Variants in DCAF6 observed in about 807,000 individuals in gnomAD.
The protein encoded by DCAF6 is DDB1 and CUL4 associated factor 6, also known as DDB1- and CUL4-associated factor 6.
In DCAF6, 54 loss-of-function variants were observed where a neutral mutation model predicts 125.1. That is an observed-to-expected ratio of 0.43 (90% CI 0.35 to 0.54). The LOEUF is 0.54. Ranked by LOEUF, DCAF6 falls within the 20% of genes least tolerant of loss-of-function variation. The pLI is 0.01. For missense variants in DCAF6, 934 were observed against 1,161.7 expected, an observed-to-expected ratio of 0.80 and a Z score of 2.85; for synonymous variants, 371 against 390.4, an observed-to-expected ratio of 0.95 and a Z score of 0.58.
At chr1:168,068,571 G>C (rs1238824518) in intron 21 of DCAF6, 108 bp downstream of exon 21, 2 of 512,190 alleles carry the variant, frequency 3.9e-6, no homozygotes, top group African/African-American at 2.0e-5. Context: ...ATCACAAAAT[G>C]AGGGTAGCTT....
chr1:168,020,503 T>A (rs913440067), intron 11 of DCAF6, among the ~76,000 whole-genome samples: 5 of 152,162 alleles, frequency 3.3e-5, no homozygotes, highest in Admixed American at 6.5e-5. Flanking sequence ...TGAGTGAGCT[T>A]TTGCTTAAAG....
At chr1:167,866,530 CA>C in the DCAF6 span, among the ~76,000 whole-genome samples, 1,144 of 110,654 alleles carry the variant, frequency 0.01, 6 homozygotes, top group Admixed American at 0.016. Flanking sequence ...CTCTATGTGC[CA>C]AAAAAAAAAA....
intron 21 of DCAF6, among the ~76,000 whole-genome samples, chr1:168,073,186 GAAGAAA>G (rs1693355196): frequency 6.6e-6 from 1 of 151,820 alleles, no homozygotes; most frequent in Non-Finnish European, 1.5e-5. Flanking sequence ...AAAAAAAAAA[GAAGAAA>G]AAGAAAAACA....
chr1:168,019,225 T>A (rs559777042), intron 11 of DCAF6, among the ~76,000 whole-genome samples: 37 of 152,250 alleles, frequency 2.4e-4, no homozygotes, highest in Admixed American at 9.2e-4. Flanking sequence ...ATTTTTTGTA[T>A]TTTTGGTAGA....
chr1:167,946,079 C>T (rs1258415762), intron 1 of DCAF6, among the ~76,000 whole-genome samples: 1 of 151,212 alleles, frequency 6.6e-6, no homozygotes, highest in Non-Finnish European at 1.5e-5. Context: ...GCCTCAGCCT[C>T]CCGAGTAGCT....
At chr1:168,074,456 T>A (rs1047915388) in intron 21 of DCAF6, among the ~76,000 whole-genome samples, 1 of 152,184 alleles carries the variant, frequency 6.6e-6, no homozygotes, top group Non-Finnish European at 1.5e-5. Flanking sequence ...TAATGTATCT[T>A]ACCTTCATAA....
chr1:167,966,757 G>A (rs1557902569), intron 3 of DCAF6, 36 bp downstream of exon 3: 3 of 1,292,726 alleles, frequency 2.3e-6, no homozygotes, highest in Admixed American at 2.0e-5. Flanking sequence ...TTTAATGAGA[G>A]AAAAAAAATC....
chr1:167,989,662 C>T (rs1159548591), intron 5 of DCAF6, among the ~76,000 whole-genome samples: 4 of 152,176 alleles, frequency 2.6e-5, no homozygotes, highest in Non-Finnish European at 5.9e-5. Context: ...GCGGGCAGAT[C>T]ACCTGAGGTT....
the DCAF6 span, among the ~76,000 whole-genome samples, chr1:167,877,464 C>A: frequency 7.2e-5 from 11 of 151,852 alleles, no homozygotes; most frequent in Non-Finnish European, 1.5e-5. Context: ...CTCTTGAAGA[C>A]CTCGATTCCA....
chr1:168,049,736 A>G (rs1480653754), intron 16 of DCAF6, among the ~76,000 whole-genome samples: 4 of 143,056 alleles, frequency 2.8e-5, no homozygotes, highest in Non-Finnish European at 6.0e-5. Flanking sequence ...GCTCACTGCA[A>G]GCTCTGCCTC....
chr1:167,973,702 A>C (rs1677695713), intron 3 of DCAF6, among the ~76,000 whole-genome samples: 1 of 151,964 alleles, frequency 6.6e-6, no homozygotes, highest in African/African-American at 2.4e-5. Context: ...TGGTGTTTTG[A>C]CATTTCTCTT....
At chr1:167,959,944 A>T (rs897960977) in intron 2 of DCAF6, among the ~76,000 whole-genome samples, 4 of 152,094 alleles carry the variant, frequency 2.6e-5, no homozygotes, top group African/African-American at 7.2e-5. Flanking sequence ...ACCCAAGGTC[A>T]TCTGAGTTTT....
Position 167,965,926 on chromosome 1 carries a change from C to T in DCAF6, c.160-703C>T, listed in dbSNP as rs370824617. The stretch of plus-strand genomic sequence containing the variant: ...CTGGGATTATAGACGTGAGCCACCG[C>T]GCCCGGCCTTCCCTGGAGTTTTTAA... On this transcript the variant is annotated intron_variant, in intron 2 of 21. Coordinates refer to ENST00000367840, the MANE Select transcript of DCAF6 (RefSeq NM_001198956.2). Among the ~76,000 whole-genome samples the T allele has an allele frequency of 7.8e-4, 118 of 152,182 alleles. 1 individual carries two copies. In the South Asian group the frequency reaches 0.023, roughly 29 times the overall value.
the DCAF6 span, among the ~76,000 whole-genome samples, chr1:167,875,795 A>T: frequency 6.6e-6 from 1 of 152,242 alleles, no homozygotes; most frequent in Admixed American, 6.5e-5. Context: ...CCAAAAATAC[A>T]AAAAGAAATT....
At chr1:167,976,670 C>G (rs932859714) in intron 4 of DCAF6, among the ~76,000 whole-genome samples, 1 of 152,044 alleles carries the variant, frequency 6.6e-6, no homozygotes, top group Admixed American at 6.6e-5. Flanking sequence ...AATAAAGGAA[C>G]TTGGAACATA....
the DCAF6 span, among the ~76,000 whole-genome samples, chr1:167,871,883 T>C: frequency 6.6e-6 from 1 of 152,250 alleles, no homozygotes; most frequent in East Asian, 1.9e-4. Flanking sequence ...TGTTTTTCTT[T>C]GGCCTGAATG....
chr1:168,015,542 A>G (rs981175853), intron 10 of DCAF6, among the ~76,000 whole-genome samples: 2 of 152,126 alleles, frequency 1.3e-5, no homozygotes, highest in Admixed American at 1.3e-4. Flanking sequence ...TAATTACTTA[A>G]ATATTCCTAG....
intron 6 of DCAF6, 58 bp from the exon 7 acceptor site, chr1:167,993,168 A>G: frequency 7.0e-7 from 1 of 1,432,762 alleles, no homozygotes; most frequent in African/African-American, 1.4e-5. Flanking sequence ...AAGAGTTTTA[A>G]AAAATGTTTT....
Position 168,043,085 on chromosome 1 carries a change from G to A in DCAF6, c.1788G>A (p.Glu596=), listed in dbSNP as rs1233256445. The A allele has an allele frequency of 6.2e-6, 10 of 1,612,952 alleles. No homozygotes were observed. Among genetic ancestry groups the A allele is most frequent in the South Asian group, 4.4e-5 (4 of 90,958 alleles). Residue 596 remains glutamate, a synonymous_variant, in exon 14 of 22, where the codon GAG becomes GAA. Coordinates refer to ENST00000367840, the MANE Select transcript of DCAF6 (RefSeq NM_001198956.2). ...IGSHCKSEGQ[E]ESFVPQSSVQ... is the part of the protein sequence containing the mutation. The stretch of plus-strand genomic sequence containing the variant: ...GCCATTGCAAATCTGAGGGTCAGGA[G>A]GAATCTTTCGTCCCACAGAGCTCAG...
Sources: gnomAD v4.1 joint callset for allele counts (sites outside exome capture counted in the v4.1 genomes callset) on GRCh38, gnomAD v4.1.1 for gene constraint, MANE v1.5 for transcripts, NCBI Gene and HGNC (gene_info 2026-07-23, HGNC 2026-07-21) for gene names.